Variants in SEM1 observed in about 807,000 individuals in gnomAD.
SEM1 encodes 26S proteasome complex subunit SEM1.
A neutral mutation model predicts 12.7 loss-of-function variants in SEM1; 3 were observed. The ratio of observed to expected loss-of-function variants is 0.24; its 90% confidence interval spans 0.11 to 0.61. SEM1 has a LOEUF of 0.61. Among genes scored for constraint, SEM1 ranks in the 20% least tolerant of loss-of-function variants. The probability of loss-of-function intolerance (pLI) is 0.88; values close to 1 mark genes in which losing one functional copy is unlikely to be tolerated. For synonymous variants in SEM1, 30 were observed against 27.8 expected, an observed-to-expected ratio of 1.08 and a Z score of -0.25; for missense variants, 59 against 81.3, an observed-to-expected ratio of 0.73 and a Z score of 1.06.
At chr7:96,603,889 T>G (rs932389798) in intron 2 of SEM1, among the ~76,000 whole-genome samples, 1 of 152,094 alleles carries the variant, frequency 6.6e-6, no homozygotes, top group African/African-American at 2.4e-5. Context: ...AGGATAGTTT[T>G]TTTTTTTTTA....
At position 96,555,351 on chromosome 7, in the gene SEM1, C is replaced by T. The variant is rs908009509; in HGVS notation, c.171-48653G>A. Among the ~76,000 whole-genome samples the T allele has an allele frequency of 3.0e-4, 46 of 151,452 alleles. 1 individual carries two copies. The highest frequency in any genetic ancestry group is 4.1e-4 in the Non-Finnish European group (28 of 67,872). On this transcript the variant is annotated intron_variant and NMD_transcript_variant, in intron 2 of 3. Coordinates refer to the SEM1 transcript ENST00000466986. ...TTAGTGCTGTAAATTTCCCTCTACACACTGTTTGAATGTGTCCCAGAGATT... is the reference window on the plus strand; with the variant it reads ...TTAGTGCTGTAAATTTCCCTCTACATACTGTTTGAATGTGTCCCAGAGATT...
intron 2 of SEM1, among the ~76,000 whole-genome samples, chr7:96,648,733 A>G (rs1487702360): frequency 6.6e-6 from 1 of 152,230 alleles, no homozygotes; most frequent in African/African-American, 2.4e-5. Context: ...TGTGAAAATA[A>G]GTGAAAGAAG....
At chr7:96,598,792 T>C (rs1430335013) in intron 2 of SEM1, among the ~76,000 whole-genome samples, 2 of 152,194 alleles carry the variant, frequency 1.3e-5, no homozygotes, top group Non-Finnish European at 2.9e-5. Flanking sequence ...GGGTCTATGA[T>C]CTTGACTGAA....
At chr7:96,655,041 C>T (rs1809132861) in intron 2 of SEM1, among the ~76,000 whole-genome samples, 1 of 152,160 alleles carries the variant, frequency 6.6e-6, no homozygotes. Flanking sequence ...CACTTAGAGC[C>T]TAGTCTGTTT....
At chr7:96,629,065 G>A (rs1808163694) in intron 2 of SEM1, among the ~76,000 whole-genome samples, 1 of 151,998 alleles carries the variant, frequency 6.6e-6, no homozygotes, top group South Asian at 2.1e-4. Context: ...CTGCTATTAG[G>A]GTCCTTTCTT....
intron 2 of SEM1, among the ~76,000 whole-genome samples, chr7:96,522,993 T>C (rs1804334963): frequency 6.6e-6 from 1 of 152,088 alleles, no homozygotes. Flanking sequence ...TCCTCTATGT[T>C]GCCAATAGGC....
intron 2 of SEM1, among the ~76,000 whole-genome samples, chr7:96,629,516 G>A (rs1808181252): frequency 1.3e-5 from 2 of 151,960 alleles, no homozygotes; most frequent in South Asian, 4.2e-4. Flanking sequence ...AAATTTGTCT[G>A]ATAGAATTCT....
chr7:96,587,819 A>G (rs1806690227), intron 2 of SEM1, among the ~76,000 whole-genome samples: 1 of 152,208 alleles, frequency 6.6e-6, no homozygotes, highest in South Asian at 2.1e-4. Context: ...ACATAGATGT[A>G]ATATACTCAC....
At chr7:96,531,102 G>T (rs1245849068) in intron 2 of SEM1, among the ~76,000 whole-genome samples, 1 of 152,076 alleles carries the variant, frequency 6.6e-6, no homozygotes, top group African/African-American at 2.4e-5. Context: ...AGTCATGTTG[G>T]AGATATTATT....
chr7:96,539,495 G>A (rs1000657534), intron 2 of SEM1, among the ~76,000 whole-genome samples: 7 of 151,162 alleles, frequency 4.6e-5, no homozygotes, highest in African/African-American at 1.7e-4. Flanking sequence ...ATGGCACTGA[G>A]CCATTTAAAA....
intron 2 of SEM1, among the ~76,000 whole-genome samples, chr7:96,555,430 C>T (rs1035646321): frequency 1.4e-5 from 2 of 146,180 alleles, no homozygotes; most frequent in African/African-American, 5.0e-5. Context: ...TTTATTTCTG[C>T]CTTCATTTCG....
chr7:96,685,305 T>C (rs1309398153), downstream of SEM1, among the ~76,000 whole-genome samples: 1 of 152,102 alleles, frequency 6.6e-6, no homozygotes, highest in Admixed American at 6.6e-5. Flanking sequence ...TACAATTTCA[T>C]TTCAAACAGA....
rs566641071 is a variant in SEM1 at position 96,693,760 on chromosome 7, T to TTGTGTGTGTG, written c.170+1028_170+1037dup. Among the ~76,000 whole-genome samples, 1,272 of 139,564 alleles carry TTGTGTGTGTG rather than the reference T, an allele frequency of 9.1e-3. 12 individuals are homozygous for TTGTGTGTGTG. The highest frequency in any genetic ancestry group is 0.024 in the East Asian group (114 of 4,812). 91.6% of individuals were successfully genotyped at this position (139,564 alleles called of 152,430 possible). A position where few individuals can be genotyped will look rare whatever the true frequency, so the allele number is the denominator to read the frequency against. On this transcript the variant is annotated intron_variant, in intron 2 of 2. Transcript: ENST00000248566. The stretch of plus-strand genomic sequence containing the variant: ...TTAACGTATGACCCAACAATTCCAC[T>TTGTGTGTGTG]TGTGTGTGTGTGTGTGTGTGTGTGT...
At chr7:96,604,061 C>A (rs1420631394) in intron 2 of SEM1, among the ~76,000 whole-genome samples, 1 of 151,962 alleles carries the variant, frequency 6.6e-6, no homozygotes, top group African/African-American at 2.4e-5. Flanking sequence ...CCTTAGAGGA[C>A]AGATGGGGTG....
chr7:96,695,274 A>G (rs1014175757), intron 1 of SEM1: 46 of 160,984 alleles, frequency 2.9e-4, no homozygotes, highest in African/African-American at 8.6e-4. Flanking sequence ...CAAAACTGCA[A>G]AACGTAAGGA....
intron 2 of SEM1, among the ~76,000 whole-genome samples, chr7:96,610,400 C>T (rs1193380008): frequency 6.6e-6 from 1 of 152,016 alleles, no homozygotes; most frequent in East Asian, 1.9e-4. Context: ...AGCCCGGGCT[C>T]CAGCAGCTTT....
chr7:96,522,839 C>A (rs965166175), intron 2 of SEM1, among the ~76,000 whole-genome samples: 2 of 125,852 alleles, frequency 1.6e-5, no homozygotes, highest in Non-Finnish European at 3.1e-5. Context: ...TGCAGTGAGC[C>A]AAGATCACAT....
downstream of SEM1, among the ~76,000 whole-genome samples, chr7:96,668,554 G>C (rs1789229733): frequency 6.6e-6 from 1 of 152,124 alleles, no homozygotes; most frequent in Admixed American, 6.6e-5. Flanking sequence ...ATATACATTA[G>C]ATATAACAGA....
chr7:96,633,138 C>T (rs1313119687), intron 2 of SEM1, among the ~76,000 whole-genome samples: 1 of 151,998 alleles, frequency 6.6e-6, no homozygotes, highest in African/African-American at 2.4e-5. Context: ...GCCCAAACAT[C>T]AGAATATTTC....
Sources: gnomAD v4.1 joint callset for allele counts (sites outside exome capture counted in the v4.1 genomes callset) on GRCh38, gnomAD v4.1.1 for gene constraint, MANE v1.5 for transcripts, NCBI Gene and HGNC (gene_info 2026-07-23, HGNC 2026-07-21) for gene names.